The following DTNBP1 variants were observed in gnomAD, a reference collection of about 807,000 sequenced individuals.
DTNBP1 encodes the protein dystrobrevin binding protein 1, also known as dysbindin.
In DTNBP1, 35 loss-of-function variants were observed where a neutral mutation model predicts 42.8. The observed-to-expected ratio is 0.82, with a 90% CI of 0.63 to 1.09. The LOEUF (loss-of-function observed/expected upper bound fraction) is 1.09. Ranked by LOEUF, DTNBP1 falls within the 50% of genes least tolerant of loss-of-function variation. The probability of loss-of-function intolerance (pLI) is 0.00; values close to 1 mark genes in which losing one functional copy is unlikely to be tolerated. For synonymous variants in DTNBP1, 171 were observed against 162.2 expected, an observed-to-expected ratio of 1.05 and a Z score of -0.41; for missense variants, 457 against 424.2, an observed-to-expected ratio of 1.08 and a Z score of -0.68.
chr6:15,651,673 C>A (rs578232320), intron 2 of DTNBP1, among the ~76,000 whole-genome samples: 1 of 152,074 alleles, frequency 6.6e-6, no homozygotes, highest in Non-Finnish European at 1.5e-5. Context: ...TGGTCACATG[C>A]TTTACTTTAT....
rs184474200 is a variant in DTNBP1 at position 15,541,594 on chromosome 6, C to T, written c.512-8199G>A. Among the ~76,000 whole-genome samples, 197 of 152,088 alleles carry T rather than the reference C, an allele frequency of 1.3e-3. 1 individual carries two copies. Among genetic ancestry groups the T allele is most frequent in the Non-Finnish European group, 2.4e-4 (16 of 67,994 alleles). ...ACGAGTCAAGAGTAATCATTTAATTCCATTATCACCTCAGGCCTATGTCTT... is the reference window on the plus strand; with the variant it reads ...ACGAGTCAAGAGTAATCATTTAATTTCATTATCACCTCAGGCCTATGTCTT... On this transcript the variant is annotated intron_variant, in intron 7 of 9. Coordinates refer to ENST00000344537, the MANE Select transcript of DTNBP1 (RefSeq NM_032122.5).
At chr6:15,585,505 T>C (rs1776043108) in intron 7 of DTNBP1, among the ~76,000 whole-genome samples, 1 of 151,866 alleles carries the variant, frequency 6.6e-6, no homozygotes, top group African/African-American at 2.4e-5. Flanking sequence ...TAGGTATTAA[T>C]TTAGTAATTA....
At chr6:15,653,560 G>A (rs115209659) in intron 1 of DTNBP1, among the ~76,000 whole-genome samples, 1,896 of 152,292 alleles carry the variant, frequency 0.012, 38 homozygotes, top group African/African-American at 0.042. Flanking sequence ...CTCTTTTAAT[G>A]TAAAATATGA....
intron 7 of DTNBP1, among the ~76,000 whole-genome samples, chr6:15,554,531 G>GCCTGT (rs1774402510): frequency 6.6e-6 from 1 of 152,154 alleles, no homozygotes; most frequent in Non-Finnish European, 1.5e-5. Context: ...AAGGGTTGCA[G>GCCTGT]CCTGTAGGGT....
chr6:15,627,925 T>C (rs1759447913), intron 4 of DTNBP1, among the ~76,000 whole-genome samples: 1 of 152,254 alleles, frequency 6.6e-6, no homozygotes, highest in South Asian at 2.1e-4. Flanking sequence ...ATTTAGAATA[T>C]ACCATGTTTC....
intron 3 of DTNBP1, among the ~76,000 whole-genome samples, chr6:15,651,014 A>C (rs1020131623): frequency 1.2e-4 from 18 of 152,232 alleles, no homozygotes; most frequent in Admixed American, 7.2e-4. Flanking sequence ...CAAAAAAACA[A>C]AATTATTGGG....
chr6:15,524,844 A>G (rs1719612613), intron 8 of DTNBP1, among the ~76,000 whole-genome samples, 175 bp from the exon 9 acceptor site: 1 of 151,102 alleles, frequency 6.6e-6, no homozygotes, highest in African/African-American at 2.5e-5. Flanking sequence ...AATGCATCCT[A>G]AATCACCCTT....
chr6:15,598,279 TAATA>T (rs1776591541), intron 6 of DTNBP1, among the ~76,000 whole-genome samples: 1 of 152,162 alleles, frequency 6.6e-6, no homozygotes, highest in African/African-American at 2.4e-5. Flanking sequence ...GATGAAAACT[TAATA>T]GACAGAAGCT....
intron 7 of DTNBP1, among the ~76,000 whole-genome samples, chr6:15,559,805 T>C (rs932630248): frequency 6.6e-6 from 1 of 152,220 alleles, no homozygotes; most frequent in Non-Finnish European, 1.5e-5. Context: ...TCATCTGCCA[T>C]ATTCACTTGA....
intron 5 of DTNBP1, among the ~76,000 whole-genome samples, chr6:15,622,864 T>C (rs569648593): frequency 6.6e-6 from 1 of 152,314 alleles, no homozygotes; most frequent in African/African-American, 2.4e-5. Flanking sequence ...TAACCACTGA[T>C]ATATAAAGAA....
At chr6:15,604,653 A>G (rs1383025759) in intron 6 of DTNBP1, among the ~76,000 whole-genome samples, 1 of 152,016 alleles carries the variant, frequency 6.6e-6, no homozygotes, top group African/African-American at 2.4e-5. Context: ...CACTGGTCAA[A>G]CGCCACTACA....
At chr6:15,652,810 T>A (rs1224428556) in intron 1 of DTNBP1, among the ~76,000 whole-genome samples, 4 of 151,862 alleles carry the variant, frequency 2.6e-5, no homozygotes, top group African/African-American at 9.7e-5. Flanking sequence ...TCACTTTTAT[T>A]TTGGTCTCAC....
intron 7 of DTNBP1, among the ~76,000 whole-genome samples, chr6:15,569,551 C>T (rs1226545704): frequency 6.7e-6 from 1 of 150,348 alleles, no homozygotes; most frequent in Non-Finnish European, 1.5e-5. Context: ...CTTTCAGCTG[C>T]TCTATAATTA....
At chr6:15,596,665 A>T (rs1776528718) in intron 6 of DTNBP1, among the ~76,000 whole-genome samples, 1 of 152,134 alleles carries the variant, frequency 6.6e-6, no homozygotes, top group Admixed American at 6.5e-5. Context: ...ATTCGCTCAT[A>T]AGCCAATTTC....
chr6:15,584,064 TA>T lies in DTNBP1; in HGVS notation c.511+8994del, dbSNP rs1775953365. 2.0e-5 allele frequency among the ~76,000 whole-genome samples: 3 copies of T among 152,106 alleles called. No homozygotes were observed. The South Asian group carries it at 6.2e-4, about 31-fold the overall frequency. On this transcript the variant is annotated intron_variant, in intron 7 of 9. Transcript: ENST00000344537. Reference sequence around the variant, plus strand: ...AGAGCCAAAATTAACAAACAGGATATAAATATTTTGGTATTACAGGATATAG... The same window carrying T: ...AGAGCCAAAATTAACAAACAGGATATAATATTTTGGTATTACAGGATATAG...
intron 4 of DTNBP1, among the ~76,000 whole-genome samples, chr6:15,629,516 T>A (rs181238822): frequency 6.8e-4 from 103 of 152,132 alleles, no homozygotes; most frequent in Non-Finnish European, 2.1e-4. Flanking sequence ...AATATAAGCA[T>A]ATGTAGAAAA....
chr6:15,538,907 G>A (rs1160967838), intron 7 of DTNBP1, among the ~76,000 whole-genome samples: 3 of 152,174 alleles, frequency 2.0e-5, no homozygotes, highest in Admixed American at 6.5e-5. Flanking sequence ...TCTTAGGGGT[G>A]TTATCAAGAT....
At chr6:15,595,145 T>G in intron 6 of DTNBP1, 1 of 455,956 alleles carries the variant, frequency 2.2e-6, no homozygotes, top group Non-Finnish European at 4.4e-6. Context: ...CCAGGAAACT[T>G]CCCTTCAGAA....
chr6:15,623,622 T>C (rs1380111910), intron 5 of DTNBP1, among the ~76,000 whole-genome samples: 2 of 152,166 alleles, frequency 1.3e-5, no homozygotes, highest in African/African-American at 4.8e-5. Flanking sequence ...GGAACAGTCT[T>C]TTAAAAATAG....
Sources: allele counts gnomAD v4.1 joint callset (sites outside exome capture counted in the v4.1 genomes callset), GRCh38; gene constraint gnomAD v4.1.1; transcripts MANE v1.5; gene names NCBI Gene and HGNC (gene_info 2026-07-23, HGNC 2026-07-21).